Variants in NAV3 observed in about 807,000 individuals in gnomAD.
NAV3 encodes pore membrane and/or filament interacting like protein 1.
A neutral mutation model predicts 244.7 loss-of-function variants in NAV3; 87 were observed. The ratio of observed to expected loss-of-function variants is 0.36; its 90% CI spans 0.30 to 0.42. NAV3 has a LOEUF of 0.42. Among genes scored for constraint, NAV3 ranks in the 20% least tolerant of loss-of-function variants. NAV3 has a pLI of 1.00. For synonymous variants in NAV3, 1,126 were observed against 1,042.2 expected, an observed-to-expected ratio of 1.08 and a Z score of -1.55; for missense variants, 2,663 against 2,893.3, an observed-to-expected ratio of 0.92 and a Z score of 1.83.
chr12:77,713,233 T>A (rs1254827234), intron 2 of NAV3, among the ~76,000 whole-genome samples: 1 of 152,202 alleles, frequency 6.6e-6, no homozygotes, highest in Admixed American at 6.5e-5. Flanking sequence ...GAGTTTGATG[T>A]ATATGTGTAC....
At chr12:77,840,340 A>G (rs1875426837) in intron 1 of NAV3, among the ~76,000 whole-genome samples, 1 of 152,212 alleles carries the variant, frequency 6.6e-6, no homozygotes, top group Admixed American at 6.5e-5. Context: ...CTAAATGTCA[A>G]AGTGACATGA....
At chr12:77,665,297 C>T (rs1250798774) in intron 2 of NAV3, among the ~76,000 whole-genome samples, 2 of 152,150 alleles carry the variant, frequency 1.3e-5, no homozygotes, top group African/African-American at 2.4e-5. Context: ...TTAGGAAACC[C>T]AATTCTAATA....
At chr12:77,794,196 T>A (rs908671592) in intron 2 of NAV3, among the ~76,000 whole-genome samples, 2 of 152,244 alleles carry the variant, frequency 1.3e-5, no homozygotes, top group African/African-American at 4.8e-5. Flanking sequence ...GTAAATTTTT[T>A]AAAGTTCCTT....
At position 77,808,568 on chromosome 12, in the gene NAV3, G is replaced by A. The variant is rs142384101; in HGVS notation, c.73-131751G>A. Among the ~76,000 whole-genome samples, 1,518 of 152,206 alleles carry A rather than the reference G, an allele frequency of 1.0e-2. 32 individuals are homozygous for A. Among genetic ancestry groups the A allele is most frequent in the Admixed American group, 0.049 (748 of 15,296 alleles). On this transcript the variant is annotated intron_variant, in intron 2 of 8. Transcript: ENST00000550042. ...GGAAGCTTCGTTCCAGAGGGGCACC[G>A]GCCAGATGCCAGCCAGAGCTCTCCT...
chr12:77,604,623 A>T (rs1870588860), intron 2 of NAV3, among the ~76,000 whole-genome samples: 1 of 151,922 alleles, frequency 6.6e-6, no homozygotes, highest in South Asian at 2.1e-4. Context: ...CAGTTGAGAT[A>T]CAAATTGGGC....
intron 2 of NAV3, among the ~76,000 whole-genome samples, chr12:77,816,404 G>T (rs879829475): frequency 2.0e-5 from 3 of 152,158 alleles, no homozygotes; most frequent in Non-Finnish European, 4.4e-5. Flanking sequence ...ATTGGTATTG[G>T]AACAGTAGTG....
rs540652272 is a variant in NAV3 at position 77,818,684 on chromosome 12, C to T, written c.73-121635C>T. 2.0e-5 allele frequency among the ~76,000 whole-genome samples: 3 copies of T among 152,088 alleles called. No individual in the cohort carries two copies. The South Asian group carries it at 6.2e-4, about 32-fold the overall frequency. On this transcript the variant is annotated intron_variant, in intron 2 of 8. Coordinates refer to the NAV3 transcript ENST00000550042. ...ATCCAGGTTAGTATCTGATGGTCTC[C>T]ATTAGAAAAGTGTTTAGAGGGGAGG...
At chr12:77,985,149 A>G (rs1406450553) in intron 5 of NAV3, among the ~76,000 whole-genome samples, 1 of 152,150 alleles carries the variant, frequency 6.6e-6, no homozygotes, top group East Asian at 1.9e-4. Context: ...GTTAGTATAC[A>G]TGGTTTTAGG....
intron 1 of NAV3, among the ~76,000 whole-genome samples, chr12:77,888,231 C>T (rs1385893836): frequency 3.9e-5 from 6 of 152,004 alleles, no homozygotes; most frequent in Admixed American, 2.6e-4. Flanking sequence ...GTGGCTCATG[C>T]CTGTAATCCC....
intron 5 of NAV3, among the ~76,000 whole-genome samples, chr12:77,986,468 G>C (rs578075589): frequency 6.6e-6 from 1 of 152,108 alleles, no homozygotes; most frequent in South Asian, 2.1e-4. Context: ...AACTTCCTCA[G>C]CTGAGATTTT....
chr12:77,985,604 G>A (rs572445598), intron 5 of NAV3, among the ~76,000 whole-genome samples: 19 of 151,622 alleles, frequency 1.3e-4, no homozygotes, highest in African/African-American at 4.4e-4. Context: ...AATTGAATTG[G>A]AATTTTCTTT....
chr12:77,797,536 T>G (rs1871477836), intron 2 of NAV3, among the ~76,000 whole-genome samples: 1 of 149,532 alleles, frequency 6.7e-6, no homozygotes, highest in Non-Finnish European at 1.5e-5. Context: ...TTTTTTTTTT[T>G]TTTTTTTTTT....
intron 3 of NAV3, among the ~76,000 whole-genome samples, chr12:77,961,152 CAT>C (rs1367834344): frequency 6.9e-6 from 1 of 144,426 alleles, no homozygotes; most frequent in Non-Finnish European, 1.5e-5. Flanking sequence ...TTACTATATA[CAT>C]ATGTCTATAT....
At chr12:78,207,363 G>A (rs1960438096) in intron 39 of NAV3, among the ~76,000 whole-genome samples, 1 of 152,138 alleles carries the variant, frequency 6.6e-6, no homozygotes, top group African/African-American at 2.4e-5. Context: ...CAAAGAGAAT[G>A]TTAATAAGTA....
intron 2 of NAV3, among the ~76,000 whole-genome samples, chr12:77,739,730 C>T (rs957755073): frequency 7.9e-5 from 12 of 152,168 alleles, no homozygotes; most frequent in African/African-American, 2.4e-4. Flanking sequence ...TTCATTTTAA[C>T]CTCAACTATT....
intron 18 of NAV3, among the ~76,000 whole-genome samples, chr12:78,136,899 A>G (rs1956395947): frequency 6.6e-6 from 1 of 152,172 alleles, no homozygotes; most frequent in African/African-American, 2.4e-5. Context: ...ACACCATGTT[A>G]TTACATTTCT....
At chr12:77,669,611 T>C (rs180849416) in intron 2 of NAV3, among the ~76,000 whole-genome samples, 62 of 152,186 alleles carry the variant, frequency 4.1e-4, no homozygotes, top group Non-Finnish European at 6.5e-4. Flanking sequence ...CAAAGAGGGA[T>C]GTTTTATAAT....
intron 1 of NAV3, among the ~76,000 whole-genome samples, chr12:77,878,531 T>C (rs982329760): frequency 6.6e-6 from 1 of 152,088 alleles, no homozygotes; most frequent in Non-Finnish European, 1.5e-5. Context: ...ACCCAGCCAG[T>C]AATGTATTAA....
chr12:77,935,204 A>G (rs528605146), intron 1 of NAV3, among the ~76,000 whole-genome samples: 2 of 152,308 alleles, frequency 1.3e-5, no homozygotes, highest in Admixed American at 6.5e-5. Flanking sequence ...CAAAGATAGT[A>G]TGTAATACTG....
Sources: allele counts gnomAD v4.1 joint callset (sites outside exome capture counted in the v4.1 genomes callset), GRCh38; gene constraint gnomAD v4.1.1; transcripts MANE v1.5; gene names NCBI Gene and HGNC (gene_info 2026-07-23, HGNC 2026-07-21).